The following STRN3 variants were observed in gnomAD, a reference collection of about 807,000 sequenced individuals.
STRN3 encodes the protein striatin 3, also known as striatin-3.
Under a neutral mutation model 95.6 loss-of-function variants are expected in STRN3, and 29 were observed. The observed-to-expected ratio is 0.30, with a 90% CI of 0.23 to 0.41. The LOEUF (loss-of-function observed/expected upper bound fraction) is 0.41, where lower values mean the gene tolerates loss of function less well. STRN3 is among the 10% of genes least tolerant of loss of function. The pLI is 1.00. For missense variants in STRN3, 890 were observed against 972.1 expected, an observed-to-expected ratio of 0.92 and a Z score of 1.12; for synonymous variants, 331 against 357.6, an observed-to-expected ratio of 0.93 and a Z score of 0.84.
chr14:30,910,655 A>G (rs1046679474), intron 13 of STRN3, among the ~76,000 whole-genome samples: 6 of 152,034 alleles, frequency 3.9e-5, no homozygotes, highest in Non-Finnish European at 7.4e-5. Context: ...TTTTGGCTCC[A>G]AAAAGTTTTA....
chr14:30,960,040 A>AG (rs1880111829), intron 1 of STRN3, among the ~76,000 whole-genome samples: 2 of 152,188 alleles, frequency 1.3e-5, no homozygotes, highest in Non-Finnish European at 2.9e-5. Context: ...CAAATTACCT[A>AG]GAACAGCCAA....
intron 1 of STRN3, among the ~76,000 whole-genome samples, chr14:30,993,924 G>C (rs988560553): frequency 6.6e-6 from 1 of 151,220 alleles, no homozygotes; most frequent in Admixed American, 6.6e-5. Context: ...TGCCCAGGCT[G>C]GAGTACAATG....
intron 9 of STRN3, among the ~76,000 whole-genome samples, chr14:30,917,301 A>G (rs1197758661): frequency 2.0e-5 from 3 of 152,226 alleles, no homozygotes; most frequent in South Asian, 4.1e-4. Flanking sequence ...AAACACACAC[A>G]TAACACATAA....
chr14:30,924,787 T>C (rs867460750), intron 8 of STRN3, among the ~76,000 whole-genome samples: 10 of 152,134 alleles, frequency 6.6e-5, no homozygotes, highest in African/African-American at 2.2e-4. Flanking sequence ...GAGTTTGAGG[T>C]TGCAGTGAGC....
At chr14:30,987,132 T>C (rs1245062406) in intron 1 of STRN3, among the ~76,000 whole-genome samples, 3 of 152,132 alleles carry the variant, frequency 2.0e-5, no homozygotes, top group African/African-American at 4.8e-5. Flanking sequence ...TGATAGACTC[T>C]GAGGATATAA....
rs940896081 is a variant in STRN3 at position 30,950,734 on chromosome 14, A to G, written c.542+129T>C. On this transcript the variant is annotated intron_variant, in intron 4 of 17. Transcript: ENST00000357479. ...TTTAAAAAGATCCAAGCATCTACAC[A>G]GCAAAAAAAGCAGCAATACAAAAAA... 5.7e-5 allele frequency: 46 copies of G among 812,384 alleles called. No homozygotes were observed. In the Middle Eastern group the frequency reaches 7.7e-4, roughly 14 times the overall value. The allele number at this position is 812,384 out of a possible 1,614,324, so 50.3% of individuals were successfully genotyped here. A position where few individuals can be genotyped will look rare whatever the true frequency, so the allele number is the denominator to read the frequency against.
At chr14:31,016,144 T>C (rs1171937567) in intron 1 of STRN3, among the ~76,000 whole-genome samples, 1 of 152,196 alleles carries the variant, frequency 6.6e-6, no homozygotes, top group Non-Finnish European at 1.5e-5. Context: ...GAAGATCATG[T>C]GGCAGTTTCT....
chr14:30,955,515 A>G, intron 3 of STRN3, 105 bp downstream of exon 3: 1 of 892,552 alleles, frequency 1.1e-6, no homozygotes, highest in Non-Finnish European at 1.7e-6. Context: ...AGTTTACAAT[A>G]GTCATTCTCT....
chr14:30,939,138 C>T (rs142643361), intron 5 of STRN3, among the ~76,000 whole-genome samples: 188 of 152,188 alleles, frequency 1.2e-3, no homozygotes, highest in African/African-American at 4.0e-3. Context: ...TGAATTATAG[C>T]GGAGGAACTC....
At chr14:30,942,007 C>T (rs746303251) in intron 5 of STRN3, among the ~76,000 whole-genome samples, 5 of 152,178 alleles carry the variant, frequency 3.3e-5, no homozygotes, top group Non-Finnish European at 7.3e-5. Flanking sequence ...ATTCCTTAGC[C>T]TTTGTGGCTT....
chr14:31,013,284 G>A (rs1199761943), intron 1 of STRN3, among the ~76,000 whole-genome samples: 1 of 150,858 alleles, frequency 6.6e-6, no homozygotes, highest in Admixed American at 6.6e-5. Flanking sequence ...GAGGTGGGAG[G>A]ATCAATTGAG....
chr14:30,908,045 A>G (rs1896512458), intron 13 of STRN3, among the ~76,000 whole-genome samples: 1 of 152,144 alleles, frequency 6.6e-6, no homozygotes, highest in Admixed American at 6.5e-5. Flanking sequence ...TATATAAATG[A>G]TTAGTGTCTA....
chr14:30,917,841 T>C (rs1240737467), intron 9 of STRN3, among the ~76,000 whole-genome samples: 1 of 152,190 alleles, frequency 6.6e-6, no homozygotes, highest in Admixed American at 6.5e-5. Context: ...ATTTTTTGAC[T>C]GGGACATCAA....
At position 31,026,013 on chromosome 14, in the gene STRN3, G is replaced by C. The variant is rs1283505547; in HGVS notation, c.173C>G (p.Ser58Cys). The C allele has an allele frequency of 3.2e-6, 5 of 1,548,890 alleles. No individual in the cohort carries two copies. Among genetic ancestry groups the C allele is most frequent in the Non-Finnish European group, 2.6e-6 (3 of 1,146,490 alleles). Residue 58 changes from serine (S) to cysteine (C), a missense_variant, in exon 1 of 18, where the codon TCC becomes TGC. Ser to Cys is a moderately radical substitution (Grantham distance 112). Transcript: ENST00000357479. ...GAGPAAGPELSRPQQYTIPGI... is the reference protein window; with the variant it reads ...GAGPAAGPELCRPQQYTIPGI... The stretch of plus-strand genomic sequence containing the variant: ...CGGGATAGTGTACTGCTGCGGCCGG[G>C]ACAGCTCGGGGCCTGCCGCGGGACC...
At chr14:30,895,806 C>T in intron 16 of STRN3, 58 bp from the exon 17 acceptor site, 3 of 1,418,312 alleles carry the variant, frequency 2.1e-6, no homozygotes, top group Non-Finnish European at 2.9e-6. Context: ...CTCGAGACAA[C>T]AGAAACTACA....
In STRN3 at chr14:30,947,074, T is replaced by A; in HGVS notation, c.716+16A>T. 3.2e-6 allele frequency: 5 copies of A among 1,546,436 alleles called. No individual in the cohort carries two copies. The highest frequency in any genetic ancestry group is 4.4e-6 in the Non-Finnish European group (5 of 1,146,262). On this transcript the variant is annotated intron_variant, in intron 5 of 17. Coordinates refer to ENST00000357479, the MANE Select transcript of STRN3 (RefSeq NM_001083893.2). ...ATAATATCCATTATATAAACTATGT[T>A]AAGTATAAATCATACCTTTTTATTT... is the stretch of plus-strand genomic sequence containing the variant.
chr14:30,990,450 G>A (rs945512626), intron 1 of STRN3, among the ~76,000 whole-genome samples: 1 of 151,998 alleles, frequency 6.6e-6, no homozygotes, highest in African/African-American at 2.4e-5. Flanking sequence ...TTACAGGCCT[G>A]AGCCACCGCG....
chr14:30,920,541 T>C (rs1362451770), intron 8 of STRN3, among the ~76,000 whole-genome samples: 4 of 152,166 alleles, frequency 2.6e-5, no homozygotes, highest in Admixed American at 6.5e-5. Flanking sequence ...TCCTAAAATT[T>C]TGCAACCACA....
At chr14:30,957,472 G>GAGAA (rs1348714089) in intron 1 of STRN3, among the ~76,000 whole-genome samples, 1 of 147,510 alleles carries the variant, frequency 6.8e-6, no homozygotes, top group African/African-American at 2.5e-5. Flanking sequence ...AAAAAAAAGA[G>GAGAA]AGAGAGAAAA....
Sources: allele counts gnomAD v4.1 joint callset (sites outside exome capture counted in the v4.1 genomes callset), GRCh38; gene constraint gnomAD v4.1.1; transcripts MANE v1.5; gene names NCBI Gene and HGNC (gene_info 2026-07-23, HGNC 2026-07-21).